CHN2: variants seen among roughly 807,000 people sequenced by gnomAD.
CHN2 encodes chimerin 2, also known as beta-chimaerin.
In CHN2, 35 loss-of-function variants were observed where a neutral mutation model predicts 56.3. The ratio of observed to expected loss-of-function variants is 0.62; its 90% CI spans 0.47 to 0.82. CHN2 has a LOEUF of 0.82. Ranked by LOEUF, CHN2 falls within the 40% of genes least tolerant of loss-of-function variation. The pLI is 0.00. For missense variants in CHN2, 491 were observed against 580.5 expected (o/e 0.85, Z 1.58); for synonymous variants, 210 against 212.8 (o/e 0.99, Z 0.12).
In CHN2 at chr7:29,509,371, T is replaced by G; in HGVS notation, c.1200T>G (p.Tyr400Ter). 6.2e-7 allele frequency: 1 copy of G among 1,613,994 alleles called. No homozygotes were observed. The highest frequency in any genetic ancestry group is 8.5e-7 in the Non-Finnish European group (1 of 1,179,914). ...EVLMLLPPAHYETLRYLMIHL... is the reference protein window; with the variant it reads ...EVLMLLPPAH ...TGATGCTGCTGCCTCCTGCCCACTA[T>G]GAAACCCTCCGGTACCTAATGATCC... The change falls in exon 12 of 13, where the codon TAT becomes TAG. Residue 400 changes from tyrosine (Y) to a stop codon, truncating the protein, a stop_gained. Coordinates refer to ENST00000222792, the MANE Select transcript of CHN2 (RefSeq NM_004067.4). LOFTEE classifies it high-confidence loss of function.
At chr7:29,424,449 G>A (rs1172578835) in intron 6 of CHN2, among the ~76,000 whole-genome samples, 1 of 152,118 alleles carries the variant, frequency 6.6e-6, no homozygotes, top group Non-Finnish European at 1.5e-5. Flanking sequence ...CACTTCCCCT[G>A]TCGGAGTTAG....
At chr7:29,158,527 TGTGATAATATTG>T (rs1453744706) in intron 2 of CHN2, among the ~76,000 whole-genome samples, 1 of 36,718 alleles carries the variant, frequency 2.7e-5, no homozygotes, top group African/African-American at 1.0e-4. Context: ...CTAGTCTTTA[TGTGATAATATTG>T]ATACTTAAGT....
At chr7:29,240,821 C>T (rs992414556) in intron 1 of CHN2, among the ~76,000 whole-genome samples, 4 of 151,692 alleles carry the variant, frequency 2.6e-5, no homozygotes, top group African/African-American at 9.7e-5. Flanking sequence ...TCTTCTTCGT[C>T]GTCGTCGTCG....
intron 6 of CHN2, among the ~76,000 whole-genome samples, chr7:29,456,609 G>A (rs966413779): frequency 9.6e-5 from 2 of 20,732 alleles, no homozygotes; most frequent in African/African-American, 1.8e-4. Context: ...GCCACCACCC[G>A]CCCCCTCCCC....
chr7:29,502,311 T>C (rs1321344829), intron 9 of CHN2, among the ~76,000 whole-genome samples: 9 of 152,160 alleles, frequency 5.9e-5, no homozygotes, highest in Non-Finnish European at 1.3e-4. Context: ...TGCTCTGTCC[T>C]GCTTGAGTGC....
intron 1 of CHN2, among the ~76,000 whole-genome samples, chr7:29,240,482 T>C (rs1787566871): frequency 6.6e-6 from 1 of 152,228 alleles, no homozygotes; most frequent in African/African-American, 2.4e-5. Flanking sequence ...GGCAGAAAGC[T>C]AGTCTTGGGC....
intron 1 of CHN2, among the ~76,000 whole-genome samples, chr7:29,339,555 A>G (rs13231627): frequency 0.024 from 3,645 of 152,306 alleles, 55 homozygotes; most frequent in Non-Finnish European, 0.039. Context: ...TTTGTTAGCC[A>G]TATTATAACA....
At chr7:29,354,884 G>T (rs1164816572) in intron 2 of CHN2, among the ~76,000 whole-genome samples, 1 of 152,010 alleles carries the variant, frequency 6.6e-6, no homozygotes, top group East Asian at 1.9e-4. Flanking sequence ...TTTCAAAAAT[G>T]CTTAGAAAAG....
At chr7:29,183,402 G>A (rs1291376431) in intron 2 of CHN2, among the ~76,000 whole-genome samples, 2 of 150,904 alleles carry the variant, frequency 1.3e-5, no homozygotes, top group African/African-American at 4.9e-5. Context: ...TTTGAGACAG[G>A]GTCTTGCTCT....
chr7:29,426,430 G>A (rs1278464126), intron 6 of CHN2, among the ~76,000 whole-genome samples: 1 of 152,134 alleles, frequency 6.6e-6, no homozygotes, highest in Admixed American at 6.5e-5. Flanking sequence ...ATTTTTGTTT[G>A]TATAGGAGAA....
chr7:29,258,116 A>G (rs1057150364), intron 1 of CHN2, among the ~76,000 whole-genome samples: 4 of 151,976 alleles, frequency 2.6e-5, no homozygotes, highest in Admixed American at 6.6e-5. Flanking sequence ...TACTACTTTC[A>G]TCTCTCTCTC....
intron 1 of CHN2, among the ~76,000 whole-genome samples, chr7:29,257,569 G>A (rs1201787724): frequency 1.3e-5 from 2 of 152,102 alleles, no homozygotes; most frequent in Admixed American, 6.6e-5. Context: ...AATTATAACT[G>A]AAAAGATGTT....
chr7:29,378,570 T>C (rs1326663038), intron 3 of CHN2, among the ~76,000 whole-genome samples: 2 of 152,232 alleles, frequency 1.3e-5, no homozygotes, highest in Admixed American at 6.5e-5. Context: ...AGCTGAGTAC[T>C]TGAGACAGAA....
intron 1 of CHN2, among the ~76,000 whole-genome samples, chr7:29,333,656 G>A (rs1382045246): frequency 1.3e-5 from 2 of 152,200 alleles, no homozygotes; most frequent in African/African-American, 4.8e-5. Context: ...TCATGGCACG[G>A]TTTCATATTG....
chr7:29,159,344 A>G (rs1003050779), intron 2 of CHN2, among the ~76,000 whole-genome samples: 46 of 152,330 alleles, frequency 3.0e-4, no homozygotes, highest in African/African-American at 1.1e-3. Context: ...TGCCTGCAGC[A>G]TCCTGGCATC....
At position 29,510,330 on chromosome 7, in the gene CHN2, T is replaced by G. The variant is rs530420443; in HGVS notation, c.1235+924T>G. Among the ~76,000 whole-genome samples, 3 of 152,230 alleles carry G rather than the reference T, an allele frequency of 2.0e-5. No homozygotes were observed. The East Asian group carries it at 5.8e-4, about 29-fold the overall frequency. The stretch of plus-strand genomic sequence containing the variant: ...TTGATGGGTCTGTAATCCCAGCTAC[T>G]TGGGAGGCTGAGACAGGAGAATTGC... On this transcript the variant is annotated intron_variant, in intron 12 of 12. Coordinates refer to ENST00000222792, the MANE Select transcript of CHN2 (RefSeq NM_004067.4).
intron 6 of CHN2, among the ~76,000 whole-genome samples, chr7:29,430,831 C>T (rs1782801652): frequency 6.6e-6 from 1 of 150,592 alleles, no homozygotes; most frequent in Non-Finnish European, 1.5e-5. Context: ...TCCACTTCTC[C>T]ATCCCTCCCT....
At chr7:29,479,618 G>A in intron 6 of CHN2, 1 of 981,204 alleles carries the variant, frequency 1.0e-6, no homozygotes. Flanking sequence ...TTAATCTGTT[G>A]GAGCTCAGCC....
At chr7:29,152,114 A>G (rs939607861) in intron 2 of CHN2, among the ~76,000 whole-genome samples, 1 of 152,212 alleles carries the variant, frequency 6.6e-6, no homozygotes. Context: ...AAGTGACTCT[A>G]TAGCCTCTGA....
Sources: allele counts gnomAD v4.1 joint callset (sites outside exome capture counted in the v4.1 genomes callset), GRCh38; gene constraint gnomAD v4.1.1; transcripts MANE v1.5; gene names NCBI Gene and HGNC (gene_info 2026-07-23, HGNC 2026-07-21).